The following ARHGAP15 variants were observed in gnomAD, a reference collection of about 807,000 sequenced individuals.
The protein encoded by ARHGAP15 is Rho GTPase activating protein 15.
ARHGAP15 carries 51 observed loss-of-function variants against 63.7 expected under a neutral mutation model. The ratio of observed to expected loss-of-function variants is 0.80; its 90% CI spans 0.64 to 1.01. The LOEUF is 1.01. ARHGAP15 is among the 50% of genes least tolerant of loss of function. The pLI is 0.00. For missense variants in ARHGAP15, 560 were observed against 564.6 expected, an observed-to-expected ratio of 0.99 and a Z score of 0.08; for synonymous variants, 191 against 193.8, an observed-to-expected ratio of 0.99 and a Z score of 0.12.
intron 8 of ARHGAP15, among the ~76,000 whole-genome samples, chr2:143,440,482 T>C (rs1558973179): frequency 6.6e-6 from 1 of 152,178 alleles, no homozygotes; most frequent in Non-Finnish European, 1.5e-5. Context: ...CCCATGAGTT[T>C]TGCCGCCAAG....
intron 9 of ARHGAP15, among the ~76,000 whole-genome samples, chr2:143,500,682 A>G (rs1693016967): frequency 6.6e-6 from 1 of 152,196 alleles, no homozygotes; most frequent in Non-Finnish European, 1.5e-5. Context: ...CCTGGACCAC[A>G]TCTTAAAATT....
chr2:143,534,576 T>C (rs115051647), intron 10 of ARHGAP15, among the ~76,000 whole-genome samples: 2,149 of 151,754 alleles, frequency 0.014, 54 homozygotes, highest in African/African-American at 0.051. Flanking sequence ...TTTCAATCTA[T>C]AGAAAAAAAG....
At chr2:143,759,294 T>C (rs1686680394) in intron 13 of ARHGAP15, among the ~76,000 whole-genome samples, 2 of 152,270 alleles carry the variant, frequency 1.3e-5, no homozygotes, top group South Asian at 4.1e-4. Flanking sequence ...TTTTATTTAT[T>C]TATCTCACTT....
At chr2:143,629,678 G>C (rs1281522631) in intron 12 of ARHGAP15, among the ~76,000 whole-genome samples, 2 of 152,092 alleles carry the variant, frequency 1.3e-5, no homozygotes, top group Non-Finnish European at 2.9e-5. Context: ...TTTTTCCAAA[G>C]TTCCTGAAAA....
At chr2:143,360,729 C>A (rs1187726685) in intron 6 of ARHGAP15, among the ~76,000 whole-genome samples, 1 of 152,102 alleles carries the variant, frequency 6.6e-6, no homozygotes, top group Non-Finnish European at 1.5e-5. Context: ...ACAAAACAGT[C>A]TGTGACTATG....
intron 11 of ARHGAP15, among the ~76,000 whole-genome samples, chr2:143,604,503 A>G (rs1461806118): frequency 6.6e-6 from 1 of 152,184 alleles, no homozygotes; most frequent in Non-Finnish European, 1.5e-5. Flanking sequence ...ACAAAATTCA[A>G]ACTTTTGATA....
At chr2:143,436,784 A>G in intron 7 of ARHGAP15, 129 bp from the exon 8 acceptor site, 2 of 837,956 alleles carry the variant, frequency 2.4e-6, no homozygotes, top group East Asian at 2.6e-5. Flanking sequence ...AGCTTAGCAT[A>G]GAGGACCTAT....
At chr2:143,487,776 C>T (rs80342400) in intron 9 of ARHGAP15, among the ~76,000 whole-genome samples, 10,581 of 152,048 alleles carry the variant, frequency 0.07, 552 homozygotes, top group East Asian at 0.21. Context: ...TAGTGTCCTG[C>T]TAGAATGATA....
intron 12 of ARHGAP15, among the ~76,000 whole-genome samples, chr2:143,637,631 T>C (rs566932379): frequency 6.6e-6 from 1 of 151,664 alleles, no homozygotes; most frequent in East Asian, 1.9e-4. Context: ...CGTCCTCAAA[T>C]ACATTCAAAA....
chr2:143,317,868 G>GT (rs1273680739), intron 6 of ARHGAP15, among the ~76,000 whole-genome samples: 1 of 152,160 alleles, frequency 6.6e-6, no homozygotes, highest in Non-Finnish European at 1.5e-5. Flanking sequence ...GGAATTTAAA[G>GT]TATTAAGTGA....
intron 10 of ARHGAP15, among the ~76,000 whole-genome samples, chr2:143,538,140 A>C (rs1168966726): frequency 6.6e-6 from 1 of 152,130 alleles, no homozygotes; most frequent in African/African-American, 2.4e-5. Flanking sequence ...TCTTTGAAGC[A>C]ATTGTGAATG....
chr2:143,574,268 G>C (rs148121301), intron 11 of ARHGAP15, among the ~76,000 whole-genome samples: 1,553 of 152,056 alleles, frequency 0.01, 16 homozygotes, highest in Non-Finnish European at 0.018. Context: ...ATTTCTAAGA[G>C]GTGGCAACCT....
Position 143,287,422 on chromosome 2 carries a change from A to G in ARHGAP15, c.474+36822A>G, listed in dbSNP as rs186642266. On this transcript the variant is annotated intron_variant, in intron 6 of 13. Coordinates refer to ENST00000295095, the MANE Select transcript of ARHGAP15 (RefSeq NM_018460.4). ...GACATCAGCCTGTCACCCTGAAAATAACAGATATCCCAGATGTGTCATTGA... is the reference window on the plus strand; with the variant it reads ...GACATCAGCCTGTCACCCTGAAAATGACAGATATCCCAGATGTGTCATTGA... Among the ~76,000 whole-genome samples, 31 of 152,186 alleles carry G rather than the reference A, an allele frequency of 2.0e-4. No individual in the cohort carries two copies. In the East Asian group the frequency reaches 5.4e-3, roughly 27 times the overall value.
At chr2:143,410,581 A>G (rs534656036) in intron 6 of ARHGAP15, among the ~76,000 whole-genome samples, 112 of 152,188 alleles carry the variant, frequency 7.4e-4, no homozygotes, top group Non-Finnish European at 1.3e-3. Flanking sequence ...GAGCATTAAG[A>G]TATGTACTGA....
At chr2:143,397,049 T>C (rs994613147) in intron 6 of ARHGAP15, among the ~76,000 whole-genome samples, 14 of 152,086 alleles carry the variant, frequency 9.2e-5, no homozygotes, top group Non-Finnish European at 1.9e-4. Context: ...CTCCACATTA[T>C]TTCCTAATTT....
At chr2:143,178,979 G>C (rs1484148133) in intron 2 of ARHGAP15, among the ~76,000 whole-genome samples, 1 of 152,204 alleles carries the variant, frequency 6.6e-6, no homozygotes, top group Admixed American at 6.5e-5. Context: ...AAATCCTAGA[G>C]GTAAAGCCTT....
chr2:143,672,833 A>G (rs1682595703), intron 12 of ARHGAP15, among the ~76,000 whole-genome samples: 1 of 152,230 alleles, frequency 6.6e-6, no homozygotes, highest in Non-Finnish European at 1.5e-5. Context: ...CAAGCAAATC[A>G]AGAAGTTACT....
intron 13 of ARHGAP15, among the ~76,000 whole-genome samples, chr2:143,744,427 C>T (rs1294481046): frequency 6.6e-6 from 1 of 152,148 alleles, no homozygotes; most frequent in Non-Finnish European, 1.5e-5. Flanking sequence ...ATAATGAGTG[C>T]GAGTTTGTGT....
chr2:143,279,543 A>G (rs1681738727), intron 6 of ARHGAP15, among the ~76,000 whole-genome samples: 1 of 152,186 alleles, frequency 6.6e-6, no homozygotes, highest in African/African-American at 2.4e-5. Context: ...TGATAGTAAA[A>G]TCTTGAATCT....
Sources: gnomAD v4.1 joint callset for allele counts (sites outside exome capture counted in the v4.1 genomes callset) on GRCh38, gnomAD v4.1.1 for gene constraint, MANE v1.5 for transcripts, NCBI Gene and HGNC (gene_info 2026-07-23, HGNC 2026-07-21) for gene names.